The following CHRNA7 variants were observed in gnomAD, a reference collection of about 807,000 sequenced individuals.
CHRNA7 encodes neuronal acetylcholine receptor subunit alpha-7.
CHRNA7 carries 17 observed loss-of-function variants against 48.0 expected under a neutral mutation model. The ratio of observed to expected loss-of-function variants is 0.35; its 90% CI spans 0.24 to 0.53. The LOEUF is 0.53. Among genes scored for constraint, CHRNA7 ranks in the 20% least tolerant of loss-of-function variants. The pLI is 0.92. For missense variants in CHRNA7, 155 were observed against 577.7 expected (o/e 0.27, Z 7.50); for synonymous variants, 75 against 242.3 (o/e 0.31, Z 6.41).
rs533506692 is a variant in CHRNA7 at position 32,170,195 on chromosome 15, C to T, written c.*1737C>T. The T allele has an allele frequency of 5.0e-4, 56 of 111,216 alleles. No individual in the cohort carries two copies. Among genetic ancestry groups the T allele is most frequent in the East Asian group, 3.1e-4 (1 of 3,184 alleles). 6.9% of individuals were successfully genotyped at this position (111,216 alleles called of 1,614,324 possible). ...TGCTTTTCCAGCCATCTGGCTCACTCATTTCTGGGTAATGCACATGACTTT... is the reference window on the plus strand; with the variant it reads ...TGCTTTTCCAGCCATCTGGCTCACTTATTTCTGGGTAATGCACATGACTTT... On this transcript the variant is annotated 3_prime_UTR_variant, in exon 10 of 10. Transcript: ENST00000306901.
chr15:32,044,069 T>C (rs562048196), intron 2 of CHRNA7, among the ~76,000 whole-genome samples: 2 of 152,338 alleles, frequency 1.3e-5, no homozygotes, highest in South Asian at 4.1e-4. Flanking sequence ...TTCTCTGTTC[T>C]TGTTTTCTTT....
intron 2 of CHRNA7, chr15:32,099,227 A>G (rs2050528113): frequency 6.6e-6 from 1 of 152,380 alleles, no homozygotes; most frequent in African/African-American, 2.4e-5. Flanking sequence ...GGGAATGGGA[A>G]GGAGGTGAGG....
rs71113441 is a variant in CHRNA7, at chr15:32,070,669, C to CTTTTTTTTTTTTTTTTTTTTTTTTTT, written c.196-30624_196-30599dup. Among the ~76,000 whole-genome samples the CTTTTTTTTTTTTTTTTTTTTTTTTTT allele has an allele frequency of 7.3e-5, 3 of 40,850 alleles. 1 individual carries two copies. Among genetic ancestry groups the CTTTTTTTTTTTTTTTTTTTTTTTTTT allele is most frequent in the African/African-American group, 2.8e-4 (3 of 10,742 alleles). 26.8% of individuals were successfully genotyped at this position (40,850 alleles called of 152,430 possible). The stretch of plus-strand genomic sequence containing the variant: ...TGTGTGAACATGTGAGGTTTAGTTC[C>CTTTTTTTTTTTTTTTTTTTTTTTTTT]TTTTTTTTTTTTTTTTTTTTTTTTT... On this transcript the variant is annotated intron_variant, in intron 2 of 9. Transcript: ENST00000306901.
chr15:32,067,513 A>G (rs2049985384), intron 2 of CHRNA7, among the ~76,000 whole-genome samples: 1 of 152,230 alleles, frequency 6.6e-6, no homozygotes, highest in African/African-American at 2.4e-5. Context: ...CCTGCAAGAA[A>G]ATACTGAAGA....
intron 4 of CHRNA7, among the ~76,000 whole-genome samples, chr15:32,150,528 C>A (rs770513807): frequency 6.6e-6 from 1 of 152,140 alleles, no homozygotes; most frequent in Non-Finnish European, 1.5e-5. Context: ...GATTCAAATG[C>A]GTGCAAATTC....
chr15:32,055,906 G>C (rs1187660711), intron 2 of CHRNA7, among the ~76,000 whole-genome samples: 2 of 151,982 alleles, frequency 1.3e-5, no homozygotes, highest in Non-Finnish European at 2.9e-5. Flanking sequence ...GTGAACCCGG[G>C]AGGCGGAGCT....
chr15:32,137,051 A>AAC (rs1170121834), intron 4 of CHRNA7, among the ~76,000 whole-genome samples: 1 of 149,874 alleles, frequency 6.7e-6, no homozygotes, highest in East Asian at 1.9e-4. Flanking sequence ...AAAAAAGAAA[A>AAC]AAAAAAGAAA....
Position 32,030,527 on chromosome 15 carries a change from G to C in CHRNA7, c.-68G>C. 1 of 1,345,892 alleles carries C rather than the reference G, an allele frequency of 7.4e-7. No individual in the cohort carries two copies. The highest frequency in any genetic ancestry group is 2.7e-4 in the Middle Eastern group (1 of 3,660). The allele number at this position is 1,345,892 out of a possible 1,614,324, so 83.4% of individuals were successfully genotyped here. On this transcript the variant is annotated 5_prime_UTR_variant, in exon 1 of 10. Coordinates refer to ENST00000306901, the MANE Select transcript of CHRNA7 (RefSeq NM_000746.6). ...CGAGCGGCGAGGTGCCTCTGTGGCC[G>C]CAGGCGCAGGCCCGGGCGACAGCCG... is the stretch of plus-strand genomic sequence containing the variant.
chr15:32,115,436 T>C (rs981998189), intron 4 of CHRNA7, among the ~76,000 whole-genome samples: 9 of 152,074 alleles, frequency 5.9e-5, no homozygotes, highest in Non-Finnish European at 1.2e-4. Flanking sequence ...GCTGGCTGGC[T>C]TCCCCTTCCT....
chr15:32,128,455 T>G (rs1050397553), intron 4 of CHRNA7, among the ~76,000 whole-genome samples: 1 of 151,912 alleles, frequency 6.6e-6, no homozygotes, highest in Non-Finnish European at 1.5e-5. Context: ...GATTTTTCCA[T>G]CAGTATTTTG....
intron 3 of CHRNA7, among the ~76,000 whole-genome samples, chr15:32,109,844 C>T (rs531601583): frequency 1.2e-4 from 19 of 152,244 alleles, no homozygotes; most frequent in Middle Eastern, 3.4e-3. Flanking sequence ...GGGATGAGCC[C>T]GTGGTTTACG....
chr15:32,105,817 C>T (rs952596491), intron 3 of CHRNA7, among the ~76,000 whole-genome samples: 11 of 152,156 alleles, frequency 7.2e-5, no homozygotes, highest in African/African-American at 2.7e-4. Context: ...ATCTGGAAAG[C>T]GGCACCTGTA....
chr15:32,126,298 A>T (rs1193664644), intron 4 of CHRNA7, among the ~76,000 whole-genome samples: 3 of 152,168 alleles, frequency 2.0e-5, no homozygotes, highest in Non-Finnish European at 2.9e-5. Flanking sequence ...TTTTGTCCCT[A>T]CCAGTGGGTT....
chr15:32,115,156 G>C (rs1037401583), intron 4 of CHRNA7, among the ~76,000 whole-genome samples: 4 of 152,166 alleles, frequency 2.6e-5, no homozygotes, highest in Non-Finnish European at 5.9e-5. Context: ...TTGGAGTCAA[G>C]AAAGGGGAAA....
chr15:32,096,361 A>G (rs2050468501), intron 2 of CHRNA7, among the ~76,000 whole-genome samples: 1 of 151,992 alleles, frequency 6.6e-6, no homozygotes, highest in African/African-American at 2.4e-5. Context: ...GATTTTTTGG[A>G]GTTTATTTCT....
At chr15:32,118,696 C>G (rs1194534224) in intron 4 of CHRNA7, among the ~76,000 whole-genome samples, 2 of 152,182 alleles carry the variant, frequency 1.3e-5, no homozygotes, top group Non-Finnish European at 2.9e-5. Flanking sequence ...TAATCACACA[C>G]TGTTCTGGGA....
chr15:32,080,103 G>A (rs187359567), intron 2 of CHRNA7, among the ~76,000 whole-genome samples: 2 of 152,256 alleles, frequency 1.3e-5, no homozygotes, highest in East Asian at 1.9e-4. Flanking sequence ...GCCATATGCA[G>A]AAAATTGAAA....
chr15:32,120,791 C>T (rs1403207547), intron 4 of CHRNA7, among the ~76,000 whole-genome samples: 3 of 152,106 alleles, frequency 2.0e-5, no homozygotes. Context: ...CCCAAGAGCA[C>T]GGCTTTTGGA....
At chr15:32,041,141 T>TC (rs1399823467) in intron 2 of CHRNA7, among the ~76,000 whole-genome samples, 2 of 152,172 alleles carry the variant, frequency 1.3e-5, no homozygotes, top group African/African-American at 2.4e-5. Flanking sequence ...GGATTTTTTT[T>TC]CCCCCACATG....
Sources: allele counts gnomAD v4.1 joint callset (sites outside exome capture counted in the v4.1 genomes callset), GRCh38; gene constraint gnomAD v4.1.1; transcripts MANE v1.5; gene names NCBI Gene and HGNC (gene_info 2026-07-23, HGNC 2026-07-21).